Variants in SIM1 observed in about 807,000 individuals in gnomAD.
SIM1 encodes the protein single-minded homolog 1.
SIM1 carries 18 observed loss-of-function variants against 78.2 expected under a neutral mutation model. The ratio of observed to expected loss-of-function variants is 0.23; its 90% CI spans 0.16 to 0.34. The LOEUF (loss-of-function observed/expected upper bound fraction) is 0.34. Among genes scored for constraint, SIM1 ranks in the 10% least tolerant of loss-of-function variants. The probability of loss-of-function intolerance (pLI) is 1.00; values close to 1 mark genes in which losing one functional copy is unlikely to be tolerated. For missense variants in SIM1, 939 were observed against 975.1 expected (o/e 0.96, Z 0.49); for synonymous variants, 417 against 385.2 (o/e 1.08, Z -0.97).
rs951507117 is a variant in SIM1 at position 100,463,501 on chromosome 6, A to C, written c.-33T>G. On this transcript the variant is annotated 5_prime_UTR_variant, in exon 2 of 12. It introduces an in-frame stop codon into an upstream open reading frame of the 5' UTR. Transcript: ENST00000369208. The stretch of plus-strand genomic sequence containing the variant: ...TGTTCCCCCTTTCTTCTCACAACTT[A>C]AGCTCCGCAGATTCATCCAAAACCA... 6.4e-7 allele frequency: 1 copy of C among 1,573,238 alleles called. No individual in the cohort carries two copies. The highest frequency in any genetic ancestry group is 1.1e-5 in the South Asian group (1 of 87,484).
chr6:100,421,184 C>G (rs1409881854), intron 9 of SIM1, among the ~76,000 whole-genome samples: 1 of 152,040 alleles, frequency 6.6e-6, no homozygotes, highest in Non-Finnish European at 1.5e-5. Context: ...GGAAAATAAA[C>G]ACATAATTCA....
chr6:100,457,265 A>G lies in SIM1; in HGVS notation c.176-3421T>C, dbSNP rs3798487. Reference sequence around the variant, plus strand: ...AAACGCTACATCTCAATAGAAATGTATCCTCCTTGCAGTCCTTCCCGGGAA... The same window carrying G: ...AAACGCTACATCTCAATAGAAATGTGTCCTCCTTGCAGTCCTTCCCGGGAA... On this transcript the variant is annotated intron_variant, in intron 2 of 11. Transcript: ENST00000369208. 1.0e-3 allele frequency among the ~76,000 whole-genome samples: 158 copies of G among 152,360 alleles called. 4 individuals carry two copies. In the East Asian group the frequency reaches 0.027, roughly 26 times the overall value.
At chr6:100,451,378 G>A (rs975006963) in intron 3 of SIM1, among the ~76,000 whole-genome samples, 2 of 152,216 alleles carry the variant, frequency 1.3e-5, no homozygotes, top group Non-Finnish European at 2.9e-5. Flanking sequence ...CTGAGGTGAT[G>A]AATTTGGTGT....
At chr6:100,459,631 G>A (rs1772784482) in intron 2 of SIM1, among the ~76,000 whole-genome samples, 1 of 152,166 alleles carries the variant, frequency 6.6e-6, no homozygotes, top group South Asian at 2.1e-4. Flanking sequence ...ACCATCTGTG[G>A]AAGTTTGTTT....
At chr6:100,444,296 C>T (rs772347215) in intron 9 of SIM1, among the ~76,000 whole-genome samples, 63 of 152,146 alleles carry the variant, frequency 4.1e-4, no homozygotes, top group Non-Finnish European at 8.1e-4. Flanking sequence ...TTCACCTACC[C>T]TCTTGAAAAT....
chr6:100,461,575 G>A, intron 2 of SIM1, among the ~76,000 whole-genome samples: 1 of 152,232 alleles, frequency 6.6e-6, no homozygotes, highest in East Asian at 1.9e-4. Context: ...CACGCAGAAA[G>A]GGAGCCCACT....
chr6:100,455,624 C>T (rs1183612539), intron 2 of SIM1, among the ~76,000 whole-genome samples: 13 of 152,222 alleles, frequency 8.5e-5, no homozygotes, highest in Non-Finnish European at 1.5e-5. Context: ...GCCGAGGACG[C>T]CGGCGACGCT....
chr6:100,412,485 C>A (rs906812607), intron 10 of SIM1, among the ~76,000 whole-genome samples: 1 of 147,526 alleles, frequency 6.8e-6, no homozygotes, highest in Admixed American at 6.9e-5. Flanking sequence ...TACAGTGAGC[C>A]GAGACAGTGC....
chr6:100,443,668 C>A (rs899184247), intron 9 of SIM1, among the ~76,000 whole-genome samples: 3 of 152,014 alleles, frequency 2.0e-5, no homozygotes, highest in African/African-American at 7.2e-5. Flanking sequence ...TTTGCAAGCT[C>A]TACACACAAT....
At chr6:100,429,918 A>G (rs1353676063) in intron 9 of SIM1, among the ~76,000 whole-genome samples, 1 of 152,200 alleles carries the variant, frequency 6.6e-6, no homozygotes, top group Admixed American at 6.5e-5. Context: ...TAAAATATCC[A>G]CATGCTGTCT....
At chr6:100,453,637 G>T in intron 3 of SIM1, 125 bp downstream of exon 3, 1 of 753,958 alleles carries the variant, frequency 1.3e-6, no homozygotes, top group Non-Finnish European at 2.1e-6. Context: ...CCGGATCCCT[G>T]TTTTTGTGGG....
intron 10 of SIM1, chr6:100,396,050 G>A (rs542761720): frequency 6.1e-6 from 6 of 978,328 alleles, no homozygotes; most frequent in East Asian, 1.1e-4. Context: ...CCTGGGGCTC[G>A]GTACCTACAT....
chr6:100,452,386 C>T (rs184145432), intron 3 of SIM1, among the ~76,000 whole-genome samples: 243 of 152,324 alleles, frequency 1.6e-3, no homozygotes, highest in African/African-American at 5.7e-3. Flanking sequence ...CAGGGCTTTC[C>T]ATCTGGCATG....
intron 9 of SIM1, among the ~76,000 whole-genome samples, chr6:100,434,802 G>A (rs1772000991): frequency 6.6e-6 from 1 of 152,034 alleles, no homozygotes; most frequent in Non-Finnish European, 1.5e-5. Flanking sequence ...ATATAATGAG[G>A]CTATTTCTAC....
intron 2 of SIM1, among the ~76,000 whole-genome samples, chr6:100,457,666 C>A (rs918821281): frequency 3.0e-4 from 45 of 152,254 alleles, no homozygotes; most frequent in Admixed American, 2.9e-3. Context: ...GTGCAACCAG[C>A]CCGAATCAAG....
intron 9 of SIM1, among the ~76,000 whole-genome samples, chr6:100,435,755 A>G (rs995839327): frequency 6.6e-6 from 1 of 152,004 alleles, no homozygotes; most frequent in Non-Finnish European, 1.5e-5. Flanking sequence ...TAATTTAAAA[A>G]TTCACTGAGA....
intron 2 of SIM1, among the ~76,000 whole-genome samples, chr6:100,455,177 C>T (rs577443439): frequency 6.6e-6 from 1 of 152,316 alleles, no homozygotes; most frequent in Admixed American, 6.5e-5. Context: ...GAACCGTGAG[C>T]GCCCCTTAAG....
At chr6:100,433,515 T>C (rs760538102) in intron 9 of SIM1, among the ~76,000 whole-genome samples, 19 of 152,212 alleles carry the variant, frequency 1.2e-4, no homozygotes, top group Non-Finnish European at 2.1e-4. Context: ...CTCCTATCAC[T>C]TTCTGATATT....
chr6:100,448,794 C>T (rs1772432720), intron 6 of SIM1, 116 bp from the exon 7 acceptor site: 11 of 849,490 alleles, frequency 1.3e-5, no homozygotes, highest in African/African-American at 1.2e-4. Flanking sequence ...GTGCTGACCA[C>T]GCCCGTGCAC....
Sources: gnomAD v4.1 joint callset for allele counts (sites outside exome capture counted in the v4.1 genomes callset) on GRCh38, gnomAD v4.1.1 for gene constraint, MANE v1.5 for transcripts, NCBI Gene and HGNC (gene_info 2026-07-23, HGNC 2026-07-21) for gene names.